The following CCNF variants were observed in gnomAD, a reference collection of about 807,000 sequenced individuals.
The protein encoded by CCNF is cyclin F, also known as cyclin-F.
A neutral mutation model predicts 85.4 loss-of-function variants in CCNF; 30 were observed. The observed-to-expected ratio is 0.35, with a 90% CI of 0.26 to 0.48. The LOEUF (loss-of-function observed/expected upper bound fraction) is 0.48, where lower values mean the gene tolerates loss of function less well. CCNF is among the 20% of genes least tolerant of loss of function. CCNF has a pLI of 0.99. For missense variants in CCNF, 919 were observed against 1,010.4 expected (o/e 0.91, Z 1.23); for synonymous variants, 439 against 425.1 (o/e 1.03, Z -0.40).
At chr16:2,442,905 A>T (rs1352373455) in intron 8 of CCNF, among the ~76,000 whole-genome samples, 25 of 84,038 alleles carry the variant, frequency 3.0e-4, no homozygotes, top group Non-Finnish European at 5.1e-4. Flanking sequence ...ATATTATATA[A>T]TATATAAATA....
intron 12 of CCNF, 138 bp from the exon 13 acceptor site, chr16:2,449,690 G>T (rs1034195985): frequency 1.4e-6 from 1 of 733,254 alleles, no homozygotes; most frequent in Non-Finnish European, 2.3e-6. Flanking sequence ...GCAACCCTGA[G>T]CTCCAAGAAA....
Position 2,433,178 on chromosome 16 carries a change from A to G in CCNF, c.278+111A>G, listed in dbSNP as rs545052921. On this transcript the variant is annotated intron_variant, in intron 3 of 16. Transcript: ENST00000397066. ...AACGATTTTCCTGTTGCTGTCTCCC[A>G]TGACATTGCCTCATACCCTGGGGAG... is the stretch of plus-strand genomic sequence containing the variant. The G allele has an allele frequency of 1.6e-4, 109 of 681,116 alleles. No individual in the cohort carries two copies. The African/African-American group carries it at 1.7e-3, about 11-fold the overall frequency. The allele number at this position is 681,116 out of a possible 1,614,324, so 42.2% of individuals were successfully genotyped here.
chr16:2,445,421 C>T (rs373269867), intron 9 of CCNF, 37 bp from the exon 10 acceptor site: 20 of 1,609,442 alleles, frequency 1.2e-5, no homozygotes, highest in Admixed American at 5.0e-5. Flanking sequence ...ACATGGAGAA[C>T]GCCCCCACCA....
intron 2 of CCNF, among the ~76,000 whole-genome samples, chr16:2,431,695 AAAAG>A (rs946415736): frequency 3.3e-5 from 5 of 151,700 alleles, no homozygotes; most frequent in African/African-American, 9.7e-5. Flanking sequence ...AAAAAAAAAA[AAAAG>A]GAGGGCAAAA....
chr16:2,454,641 G>A (rs1033307648), intron 15 of CCNF, among the ~76,000 whole-genome samples: 11 of 152,236 alleles, frequency 7.2e-5, no homozygotes, highest in Non-Finnish European at 1.5e-4. Context: ...CCACACACTG[G>A]CCTCTAGCCC....
At chr16:2,447,360 G>A (rs1356694079) in intron 10 of CCNF, among the ~76,000 whole-genome samples, 3 of 151,642 alleles carry the variant, frequency 2.0e-5, no homozygotes, top group Admixed American at 6.6e-5. Flanking sequence ...TGATGTGGGC[G>A]GATCGTGAGG....
In CCNF at chr16:2,431,205, C is replaced by A. The variant is rs2065260783; in HGVS notation, c.92C>A (p.Thr31Asn). The A allele has an allele frequency of 1.2e-6, 2 of 1,614,074 alleles. No individual in the cohort carries two copies. The highest frequency in any genetic ancestry group is 4.5e-5 in the East Asian group (2 of 44,886). The stretch of plus-strand genomic sequence containing the variant: ...ATAAGGAGGAGGCCCCGAAACCTGA[C>A]CATCTTGAGTCTCCCCGAAGATGTG... Reference protein sequence around the residue: ...RRIRRRPRNLTILSLPEDVLF... With the variant: ...RRIRRRPRNLNILSLPEDVLF... Residue 31 changes from threonine to asparagine, a missense_variant, in exon 2 of 17, where the codon ACC becomes AAC. Transcript: ENST00000397066.
At chr16:2,448,026 C>T (rs1292536888) in intron 10 of CCNF, among the ~76,000 whole-genome samples, 1 of 152,246 alleles carries the variant, frequency 6.6e-6, no homozygotes, top group Non-Finnish European at 1.5e-5. Flanking sequence ...TTGCGGGGGG[C>T]CGCTGGAGCA....
chr16:2,443,098 T>TG (rs111853417), intron 8 of CCNF, among the ~76,000 whole-genome samples: 4 of 125,470 alleles, frequency 3.2e-5, no homozygotes, highest in Admixed American at 1.0e-4. Flanking sequence ...ATAATAGATA[T>TG]TTTTATATAT....
intron 8 of CCNF, among the ~76,000 whole-genome samples, chr16:2,440,627 G>A (rs921147611): frequency 1.3e-5 from 2 of 152,120 alleles, no homozygotes; most frequent in Non-Finnish European, 2.9e-5. Context: ...ACGAATCAAA[G>A]AAAGCTCCTA....
At chr16:2,438,293 G>A (rs938661467) in intron 6 of CCNF, among the ~76,000 whole-genome samples, 170 bp downstream of exon 6, 1 of 152,178 alleles carries the variant, frequency 6.6e-6, no homozygotes, top group Non-Finnish European at 1.5e-5. Context: ...GCCTGGCCAC[G>A]GGCTCCGATC....
chr16:2,444,193 A>C (rs1418324210), intron 9 of CCNF, among the ~76,000 whole-genome samples: 2 of 151,888 alleles, frequency 1.3e-5, no homozygotes, highest in African/African-American at 4.8e-5. Flanking sequence ...TGCTGGGATT[A>C]CAGGCGTGAG....
At chr16:2,446,498 TCC>T (rs1369282889) in intron 10 of CCNF, among the ~76,000 whole-genome samples, 1 of 152,210 alleles carries the variant, frequency 6.6e-6, no homozygotes, top group African/African-American at 2.4e-5. Context: ...TAATGCTGGA[TCC>T]CCTAGTTCCG....
rs766324204 is a variant in CCNF, at chr16:2,448,940, A to T, written c.1180A>T (p.Met394Leu). ...CAAGTACGAGGACCTGGTGAGAATG[A>T]TGGGCGAGATCGTCTCCGCCTTGGA... The part of the protein sequence containing the change: ...TYKYEDLVRM[M>L]GEIVSALEGK... The change falls in exon 11 of 17, where the codon ATG (methionine) becomes TTG (leucine). Residue 394 changes from methionine to leucine, a missense_variant. Met to Leu is a conservative substitution (Grantham distance 15). This residue lies in a region of CCNF where 505 missense variants were observed against 514.8 expected (regional missense o/e 0.98). Transcript: ENST00000397066. 5.6e-6 allele frequency: 9 copies of T among 1,612,760 alleles called. No homozygotes were observed. The South Asian group carries it at 9.9e-5, about 18-fold the overall frequency.
chr16:2,435,566 C>T (rs1356429802), intron 3 of CCNF, among the ~76,000 whole-genome samples: 1 of 150,860 alleles, frequency 6.6e-6, no homozygotes, highest in Non-Finnish European at 1.5e-5. Flanking sequence ...GCCTGGGCAA[C>T]AGAGCAAGAC....
chr16:2,448,431 G>A (rs2065373892), intron 10 of CCNF, among the ~76,000 whole-genome samples: 1 of 152,038 alleles, frequency 6.6e-6, no homozygotes, highest in African/African-American at 2.4e-5. Flanking sequence ...TTTTGAGACA[G>A]TGTCTTGCTC....
chr16:2,443,499 G>C, intron 8 of CCNF, 150 bp from the exon 9 acceptor site: 3 of 629,084 alleles, frequency 4.8e-6, no homozygotes, highest in Non-Finnish European at 8.3e-6. Context: ...TAAAACCTGA[G>C]CCATCCTTGT....
chr16:2,448,797 G>GC, intron 10 of CCNF, 58 bp from the exon 11 acceptor site: 1 of 1,566,820 alleles, frequency 6.4e-7, no homozygotes, highest in Non-Finnish European at 8.7e-7. Flanking sequence ...GGGTCCCTCC[G>GC]CCCCACCCCT....
chr16:2,448,766 C>G (rs1336498706), intron 10 of CCNF, 89 bp from the exon 11 acceptor site: 1 of 1,225,678 alleles, frequency 8.2e-7, no homozygotes, highest in Admixed American at 2.1e-5. Context: ...CCCTCCCTAC[C>G]TTGAGGCCTC....
Sources: gnomAD v4.1 joint callset for allele counts (sites outside exome capture counted in the v4.1 genomes callset) on GRCh38, gnomAD v4.1.1 for gene constraint, gnomAD v4.1.1 regional missense constraint, MANE v1.5 for transcripts, NCBI Gene and HGNC (gene_info 2026-07-23, HGNC 2026-07-21) for gene names.